Variants in MSRB3 observed in about 807,000 individuals in gnomAD.
The protein encoded by MSRB3 is methionine-R-sulfoxide reductase B3.
A neutral mutation model predicts 21.0 loss-of-function variants in MSRB3; 13 were observed. That is an observed-to-expected ratio of 0.62 (90% CI 0.40 to 0.98). The LOEUF (loss-of-function observed/expected upper bound fraction) is 0.98. Among genes scored for constraint, MSRB3 ranks in the 50% least tolerant of loss-of-function variants. The probability of loss-of-function intolerance (pLI) is 0.00; values close to 1 mark genes in which losing one functional copy is unlikely to be tolerated. For synonymous variants in MSRB3, 87 were observed against 88.6 expected, an observed-to-expected ratio of 0.98 and a Z score of 0.10; for missense variants, 199 against 230.3, an observed-to-expected ratio of 0.86 and a Z score of 0.88.
At chr12:65,422,884 G>A (rs776511262) in intron 5 of MSRB3, among the ~76,000 whole-genome samples, 24 of 150,548 alleles carry the variant, frequency 1.6e-4, no homozygotes, top group Non-Finnish European at 3.0e-4. Context: ...ACTGAGTTTC[G>A]TATGTTGATT....
intron 4 of MSRB3, among the ~76,000 whole-genome samples, chr12:65,342,348 C>T (rs1309210988): frequency 6.6e-6 from 1 of 151,728 alleles, no homozygotes; most frequent in East Asian, 1.9e-4. Context: ...AGATACTTTT[C>T]AGAATAAGAA....
chr12:65,303,290 C>T (rs73318434), intron 1 of MSRB3, among the ~76,000 whole-genome samples: 9,622 of 151,650 alleles, frequency 0.063, 711 homozygotes, highest in African/African-American at 0.17. Flanking sequence ...TGTTCAACTA[C>T]GGGGAAAAAA....
At chr12:65,356,937 C>G (rs1482040417) in intron 4 of MSRB3, among the ~76,000 whole-genome samples, 1 of 151,674 alleles carries the variant, frequency 6.6e-6, no homozygotes, top group Non-Finnish European at 1.5e-5. Flanking sequence ...TTTTAGTATC[C>G]TTATGATTTT....
intron 4 of MSRB3, among the ~76,000 whole-genome samples, chr12:65,331,392 C>G (rs936117934): frequency 6.6e-6 from 1 of 152,226 alleles, no homozygotes; most frequent in African/African-American, 2.4e-5. Context: ...ATAGATAGCC[C>G]TAGGAATCCT....
intron 1 of MSRB3, chr12:65,281,856 G>C (rs557569136): frequency 6.6e-6 from 1 of 152,262 alleles, no homozygotes; most frequent in South Asian, 2.1e-4. Flanking sequence ...GATTGAATTG[G>C]ATCTACCTAT....
At chr12:65,456,922 A>G (rs1033872622) in intron 6 of MSRB3, among the ~76,000 whole-genome samples, 1 of 152,000 alleles carries the variant, frequency 6.6e-6, no homozygotes, top group African/African-American at 2.4e-5. Context: ...GGTATCTTTC[A>G]TTTCAATTTC....
intron 6 of MSRB3, among the ~76,000 whole-genome samples, chr12:65,457,381 A>C (rs1271957061): frequency 6.6e-6 from 1 of 151,546 alleles, no homozygotes; most frequent in Admixed American, 6.6e-5. Flanking sequence ...GCCCCCAATC[A>C]CCTGACAGGT....
chr12:65,445,300 A>G (rs1341785935), intron 5 of MSRB3, among the ~76,000 whole-genome samples: 3 of 151,744 alleles, frequency 2.0e-5, no homozygotes, highest in African/African-American at 7.3e-5. Flanking sequence ...ATACGTTTCC[A>G]TGTTCCCTCT....
chr12:65,363,885 C>T (rs1002161024), intron 4 of MSRB3, among the ~76,000 whole-genome samples: 2 of 152,104 alleles, frequency 1.3e-5, no homozygotes, highest in African/African-American at 4.8e-5. Context: ...ACTTGGGAGG[C>T]TGAGGCAGGA....
At chr12:65,418,619 G>T (rs1881105356) in intron 5 of MSRB3, 3 of 586,290 alleles carry the variant, frequency 5.1e-6, no homozygotes, top group Non-Finnish European at 6.0e-6. Context: ...TACAGTTTCA[G>T]ATCTTATTTT....
chr12:65,309,791 A>G (rs1592511108), intron 2 of MSRB3, among the ~76,000 whole-genome samples: 1 of 152,292 alleles, frequency 6.6e-6, no homozygotes, highest in South Asian at 2.1e-4. Flanking sequence ...AAGGAGTAGC[A>G]TGGGAAAACA....
intron 5 of MSRB3, among the ~76,000 whole-genome samples, chr12:65,450,166 G>T (rs1166958123): frequency 1.3e-5 from 2 of 151,742 alleles, no homozygotes; most frequent in Non-Finnish European, 2.9e-5. Flanking sequence ...CACCAAAGAC[G>T]CTACAACAAC....
chr12:65,459,112 AT>A, intron 6 of MSRB3, among the ~76,000 whole-genome samples: 1 of 127,948 alleles, frequency 7.8e-6, no homozygotes, highest in South Asian at 2.4e-4. Flanking sequence ...ACTTTTTGTA[AT>A]ATTTTTTTAA....
chr12:65,417,073 T>C (rs1881020238), intron 5 of MSRB3, among the ~76,000 whole-genome samples: 1 of 152,248 alleles, frequency 6.6e-6, no homozygotes, highest in Non-Finnish European at 1.5e-5. Context: ...TAGTTTACTT[T>C]CTGATTCTAG....
At chr12:65,338,214 C>T (rs948917869) in intron 4 of MSRB3, among the ~76,000 whole-genome samples, 1 of 152,032 alleles carries the variant, frequency 6.6e-6, no homozygotes, top group South Asian at 2.1e-4. Context: ...TTTCTGATTT[C>T]TGTGGTGCAA....
chr12:65,349,607 G>T (rs1876794435), intron 4 of MSRB3, among the ~76,000 whole-genome samples: 1 of 147,330 alleles, frequency 6.8e-6, no homozygotes, highest in Non-Finnish European at 1.5e-5. Flanking sequence ...CATTCTAACT[G>T]GTGTGAGATG....
intron 4 of MSRB3, among the ~76,000 whole-genome samples, chr12:65,353,503 A>C (rs1031380022): frequency 1.5e-4 from 22 of 150,996 alleles, no homozygotes; most frequent in South Asian, 4.2e-4. Context: ...CCCTTTTGAT[A>C]TTTGTTGGTT....
intron 2 of MSRB3, among the ~76,000 whole-genome samples, chr12:65,319,106 G>C (rs1874499254): frequency 6.6e-6 from 1 of 152,026 alleles, no homozygotes; most frequent in African/African-American, 2.4e-5. Flanking sequence ...TTTCAGTACT[G>C]TGAAAAATAC....
At chr12:65,405,589 T>A (rs1880370443) in intron 5 of MSRB3, among the ~76,000 whole-genome samples, 1 of 152,130 alleles carries the variant, frequency 6.6e-6, no homozygotes, top group Non-Finnish European at 1.5e-5. Flanking sequence ...GACTTCATAT[T>A]TTTTGGATAC....
Sources: allele counts gnomAD v4.1 joint callset (sites outside exome capture counted in the v4.1 genomes callset), GRCh38; gene constraint gnomAD v4.1.1; transcripts MANE v1.5; gene names NCBI Gene and HGNC (gene_info 2026-07-23, HGNC 2026-07-21).